The following PFKFB2 variants were observed in gnomAD, a reference collection of about 807,000 sequenced individuals.
The protein encoded by PFKFB2 is 6-phosphofructo-2-kinase/fructose-2,6-bisphosphatase 2.
A neutral mutation model predicts 68.0 loss-of-function variants in PFKFB2; 53 were observed. The ratio of observed to expected loss-of-function variants is 0.78; its 90% confidence interval spans 0.63 to 0.98. PFKFB2 has a LOEUF of 0.98. PFKFB2 is among the 50% of genes least tolerant of loss of function. The pLI, the probability that PFKFB2 is intolerant of heterozygous loss-of-function variation, is 0.00. For synonymous variants in PFKFB2, 222 were observed against 227.6 expected (o/e 0.98, Z 0.22); for missense variants, 451 against 642.0 (o/e 0.70, Z 3.22).
chr1:207,064,969 G>T (rs1307783411), intron 7 of PFKFB2, 67 bp from the exon 8 acceptor site: 1 of 1,532,276 alleles, frequency 6.5e-7, no homozygotes, highest in Non-Finnish European at 8.8e-7. Flanking sequence ...TTTAGCAGTG[G>T]CTATTTGTAG....
rs991307770 is a variant in PFKFB2, at chr1:207,070,209, A to C, written c.1093-71A>C. The C allele has an allele frequency of 1.9e-6, 3 of 1,588,424 alleles. No homozygotes were observed. Among genetic ancestry groups the C allele is most frequent in the Non-Finnish European group, 8.6e-7 (1 of 1,165,784 alleles). ...AAGAAGAAGTGGCCCTTAGTCTCCA[A>C]GGTCCAGCCACTGACTTGGCTGCCA... is the stretch of plus-strand genomic sequence containing the variant. On this transcript the variant is annotated intron_variant, in intron 11 of 14. Coordinates refer to ENST00000367080, the MANE Select transcript of PFKFB2 (RefSeq NM_006212.2). This position sits in a 1 kb window ranked among gnomAD's most constrained non-coding sequence, Gnocchi z 4.2.
At chr1:207,058,754 C>G (rs1437076949) in intron 2 of PFKFB2, among the ~76,000 whole-genome samples, 1 of 152,148 alleles carries the variant, frequency 6.6e-6, no homozygotes, top group Admixed American at 6.5e-5. Flanking sequence ...CTTGGCCTCC[C>G]AAAGTGAGGA....
At position 207,065,500 on chromosome 1, in the gene PFKFB2, G is replaced by A. The variant is rs549604109; in HGVS notation, c.632+340G>A. Among the ~76,000 whole-genome samples, 16 of 150,678 alleles carry A rather than the reference G, an allele frequency of 1.1e-4. No individual in the cohort carries two copies. In the South Asian group the frequency reaches 2.5e-3, roughly 24 times the overall value. ...TGAGTAGCTGGGACCACAGGTGTGC[G>A]CCACCATGCCCGGCTATTTTTTTTT... On this transcript the variant is annotated intron_variant, in intron 8 of 14. Coordinates refer to ENST00000367080, the MANE Select transcript of PFKFB2 (RefSeq NM_006212.2).
intron 2 of PFKFB2, chr1:207,048,003 T>A (rs1682638630): frequency 6.6e-6 from 1 of 152,268 alleles, no homozygotes; most frequent in Admixed American, 6.5e-5. Context: ...AGCAGAGCAT[T>A]ATTACTTGAA....
Position 207,074,369 on chromosome 1 carries a change from C to G in PFKFB2, c.*1998C>G. ...AGAGGGTTATTCTAGGTTCTAGTCC[C>G]ATCTTTAACCCTTTACATTGCTGAG... On this transcript the variant is annotated 3_prime_UTR_variant, in exon 15 of 15. Transcript: ENST00000367080. 9.1e-6 allele frequency: 9 copies of G among 985,322 alleles called. No individual in the cohort carries two copies. The highest frequency in any genetic ancestry group is 9.6e-6 in the Non-Finnish European group (8 of 829,846). 61.0% of individuals were successfully genotyped at this position (985,322 alleles called of 1,614,324 possible). A position where few individuals can be genotyped will look rare whatever the true frequency, so the allele number is the denominator to read the frequency against.
chr1:207,051,000 C>A, upstream of PFKFB2: 1 of 1,527,254 alleles, frequency 6.5e-7, no homozygotes. Context: ...GGGTGGACTC[C>A]AAAATGGCGA....
At chr1:207,055,647 A>G (rs1682897132) in intron 2 of PFKFB2, among the ~76,000 whole-genome samples, 2 of 151,530 alleles carry the variant, frequency 1.3e-5, no homozygotes, top group East Asian at 3.9e-4. Flanking sequence ...GTGGTTATAT[A>G]TATATATATA....
Position 207,063,035 on chromosome 1 carries a change from TG to T in PFKFB2, c.309-105del. On this transcript the variant is annotated intron_variant, in intron 4 of 14. Transcript: ENST00000367080. This position sits in a 1 kb window ranked among gnomAD's most constrained non-coding sequence, Gnocchi z 4.1. The stretch of plus-strand genomic sequence containing the variant: ...CTAGTTAGAGAAAGGTTTTGAACAG[TG>T]GGAAACTAAGTGGGCAGGGATGTGA... 2.1e-6 allele frequency: 2 copies of T among 935,262 alleles called. No individual in the cohort carries two copies. The highest frequency in any genetic ancestry group is 1.6e-5 in the African/African-American group (1 of 62,002). 57.9% of individuals were successfully genotyped at this position (935,262 alleles called of 1,614,324 possible).
intron 10 of PFKFB2, 36 bp from the exon 11 acceptor site, chr1:207,069,388 T>C: frequency 7.1e-7 from 1 of 1,407,542 alleles, no homozygotes; most frequent in Non-Finnish European, 1.0e-6. Context: ...TGGTACAGTC[T>C]ATCTCTTCAA....
intron 7 of PFKFB2, 119 bp from the exon 8 acceptor site, chr1:207,064,917 G>A (rs1383579261): frequency 8.4e-7 from 1 of 1,192,000 alleles, no homozygotes; most frequent in Non-Finnish European, 1.2e-6. Flanking sequence ...GAGTGCCAAT[G>A]TTCCAGTGAA....
Position 207,063,055 on chromosome 1 carries a change from G to T in PFKFB2, c.309-88G>T. The T allele has an allele frequency of 9.4e-7, 1 of 1,067,036 alleles. No homozygotes were observed. The allele number at this position is 1,067,036 out of a possible 1,614,324, so 66.1% of individuals were successfully genotyped here. ...AACAGTGGGAAACTAAGTGGGCAGG[G>T]ATGTGACTTCTGTAGCCACCCGAAT... On this transcript the variant is annotated intron_variant, in intron 4 of 14. Coordinates refer to ENST00000367080, the MANE Select transcript of PFKFB2 (RefSeq NM_006212.2). The surrounding 1 kb of genome is among the most constrained non-coding windows in gnomAD (Gnocchi z 4.1).
chr1:207,038,861 A>G (rs1307570944), intron 1 of PFKFB2, among the ~76,000 whole-genome samples: 1 of 152,110 alleles, frequency 6.6e-6, no homozygotes, highest in Non-Finnish European at 1.5e-5. Context: ...TCCAAATTAT[A>G]CCCACCACCT....
upstream of PFKFB2, chr1:207,052,258 A>G: frequency 6.2e-7 from 1 of 1,608,514 alleles, no homozygotes; most frequent in Non-Finnish European, 8.5e-7. Context: ...TTCATGACTC[A>G]ATTTTTTTTT....
Position 207,046,718 on chromosome 1 carries a change from G to A in PFKFB2, c.-18+4506G>A, listed in dbSNP as rs544483316. The A allele has an allele frequency of 3.3e-5, 5 of 152,140 alleles. No individual in the cohort carries two copies. In the South Asian group the frequency reaches 1.0e-3, roughly 32 times the overall value. The allele number at this position is 152,140 out of a possible 1,614,324, so 9.4% of individuals were successfully genotyped here. A position where few individuals can be genotyped will look rare whatever the true frequency, so the allele number is the denominator to read the frequency against. ...TAAACAAAGCCCTTACAATGAAGGG[G>A]TTTAATTCTGTAAAATATCAGTGTT... On this transcript the variant is annotated intron_variant, in intron 2 of 5. Coordinates refer to the PFKFB2 transcript ENST00000545806.
chr1:207,063,810 T>G lies in PFKFB2; in HGVS notation c.488T>G (p.Val163Gly). The part of the protein sequence containing the change: ...FVESVCDDPD[V>G]IAANILEVKV... ...GAATCCGTCTGTGATGATCCTGATG[T>G]CATTGCTGCCAATATTCTGGTTGGT... Residue 163 changes from valine (V) to glycine (G), a missense_variant, in exon 7 of 15, where the codon GTC becomes GGC. By Grantham distance (109) the Val-to-Gly change is moderately radical. Coordinates refer to ENST00000367080, the MANE Select transcript of PFKFB2 (RefSeq NM_006212.2). The surrounding 1 kb of genome is among the most constrained non-coding windows in gnomAD (Gnocchi z 4.1). The G allele has an allele frequency of 5.6e-6, 9 of 1,613,844 alleles. No individual in the cohort carries two copies. Among genetic ancestry groups the G allele is most frequent in the Non-Finnish European group, 6.8e-6 (8 of 1,179,746 alleles).
At chr1:207,049,379 T>C, upstream of PFKFB2, 1 of 1,614,184 alleles carries the variant, frequency 6.2e-7, no homozygotes, top group Non-Finnish European at 8.5e-7. Context: ...TGGTAAAACT[T>C]GGACAAAATC....
intron 8 of PFKFB2, 90 bp downstream of exon 8, chr1:207,065,250 T>C: frequency 6.4e-7 from 1 of 1,560,682 alleles, no homozygotes; most frequent in South Asian, 1.2e-5. Context: ...AACTTCCTTC[T>C]GATAATCTAG....
chr1:207,070,879 A>G lies in PFKFB2; in HGVS notation c.1223-309A>G, dbSNP rs1572734779. On this transcript the variant is annotated intron_variant, in intron 12 of 14. Transcript: ENST00000367080. The surrounding 1 kb of genome is among the most constrained non-coding windows in gnomAD (Gnocchi z 4.2). The stretch of plus-strand genomic sequence containing the variant: ...GAGCTCAGCATCCTGAGCTGCTTGG[A>G]AGCTGTTGTGGTCAGACCTTATTGG... 1 of 313,156 alleles carries G rather than the reference A, an allele frequency of 3.2e-6. No homozygotes were observed. Among genetic ancestry groups the G allele is most frequent in the Non-Finnish European group, 6.0e-6 (1 of 166,746 alleles). 19.4% of individuals were successfully genotyped at this position (313,156 alleles called of 1,614,324 possible). A position where few individuals can be genotyped will look rare whatever the true frequency, so the allele number is the denominator to read the frequency against.
upstream of PFKFB2, chr1:207,049,645 T>G: frequency 6.2e-7 from 1 of 1,614,232 alleles, no homozygotes; most frequent in Non-Finnish European, 8.5e-7. Context: ...TTCCCTGACG[T>G]AACTAGAAGC....
Sources: allele counts gnomAD v4.1 joint callset (sites outside exome capture counted in the v4.1 genomes callset), GRCh38; gene constraint gnomAD v4.1.1; non-coding constraint Gnocchi (gnomAD v3.1); transcripts MANE v1.5; gene names NCBI Gene and HGNC (gene_info 2026-07-23, HGNC 2026-07-21).